ZDHHC14: variants seen among roughly 807,000 people sequenced by gnomAD.
ZDHHC14 encodes the protein zDHHC palmitoyltransferase 14.
In ZDHHC14, 16 loss-of-function variants were observed where a neutral mutation model predicts 47.7. The ratio of observed to expected loss-of-function variants is 0.34; its 90% CI spans 0.23 to 0.51. The LOEUF (loss-of-function observed/expected upper bound fraction) is 0.51, where lower values mean the gene tolerates loss of function less well. ZDHHC14 is among the 20% of genes least tolerant of loss of function. ZDHHC14 has a pLI of 0.97. For missense variants in ZDHHC14, 515 were observed against 662.5 expected (o/e 0.78, Z 2.44); for synonymous variants, 293 against 278.9 (o/e 1.05, Z -0.50).
intron 1 of ZDHHC14, among the ~76,000 whole-genome samples, chr6:157,450,018 G>A (rs948836144): frequency 6.6e-6 from 1 of 152,082 alleles, no homozygotes; most frequent in African/African-American, 2.4e-5. Context: ...ACTAAAGGAG[G>A]TTTTACACAT....
intron 1 of ZDHHC14, among the ~76,000 whole-genome samples, chr6:157,537,633 A>G (rs1227181318): frequency 1.3e-5 from 2 of 152,198 alleles, no homozygotes; most frequent in African/African-American, 2.4e-5. Flanking sequence ...GTAGGTCACA[A>G]TTCTTGAGAC....
intron 1 of ZDHHC14, among the ~76,000 whole-genome samples, chr6:157,417,583 G>A (rs1270874272): frequency 2.6e-5 from 4 of 152,180 alleles, no homozygotes; most frequent in Non-Finnish European, 2.9e-5. Context: ...TTGGCACATA[G>A]TGTGCCTTTG....
intron 1 of ZDHHC14, among the ~76,000 whole-genome samples, chr6:157,422,901 T>C (rs947011462): frequency 2.0e-5 from 3 of 152,208 alleles, no homozygotes; most frequent in African/African-American, 7.2e-5. Flanking sequence ...GGAGCACAGA[T>C]CTGTGTAGTT....
In ZDHHC14 at chr6:157,586,353, A is replaced by G. The variant is rs913424161; in HGVS notation, c.407-6635A>G. ...CCTCAAAGGATAGGATTATCTGCGC[A>G]GACAGCAGGAGAGGGAATCCCGAGC... On this transcript the variant is annotated intron_variant, in intron 2 of 8. Coordinates refer to ENST00000359775, the MANE Select transcript of ZDHHC14 (RefSeq NM_024630.3). This position sits in a 1 kb window ranked among gnomAD's most constrained non-coding sequence, Gnocchi z 4.6. Among the ~76,000 whole-genome samples, 2 of 152,226 alleles carry G rather than the reference A, an allele frequency of 1.3e-5. No individual in the cohort carries two copies. Among genetic ancestry groups the G allele is most frequent in the East Asian group, 3.8e-4 (2 of 5,196 alleles).
chr6:157,610,844 TG>T (rs1050229439), intron 3 of ZDHHC14, among the ~76,000 whole-genome samples: 2 of 152,240 alleles, frequency 1.3e-5, no homozygotes, highest in African/African-American at 4.8e-5. Flanking sequence ...TCAAGCTGCC[TG>T]GGCAGCCAAT....
At chr6:157,633,419 G>A (rs1360224929) in intron 5 of ZDHHC14, among the ~76,000 whole-genome samples, 1 of 149,598 alleles carries the variant, frequency 6.7e-6, no homozygotes, top group African/African-American at 2.4e-5. Context: ...TTAATGAGGA[G>A]GATTCCCATC....
chr6:157,438,946 T>C (rs1778502328), intron 1 of ZDHHC14, among the ~76,000 whole-genome samples: 1 of 152,196 alleles, frequency 6.6e-6, no homozygotes, highest in Admixed American at 6.5e-5. Context: ...AAGAACTGAA[T>C]TCATCTAGAA....
At chr6:157,443,902 C>G (rs1262468754) in intron 1 of ZDHHC14, among the ~76,000 whole-genome samples, 1 of 152,194 alleles carries the variant, frequency 6.6e-6, no homozygotes, top group African/African-American at 2.4e-5. Context: ...ATGCCATAAC[C>G]CAGATAACAC....
chr6:157,531,349 G>A (rs559250927), intron 1 of ZDHHC14, among the ~76,000 whole-genome samples: 4 of 152,100 alleles, frequency 2.6e-5, no homozygotes, highest in East Asian at 1.9e-4. Context: ...CTGTGCTTCC[G>A]CCAGTCACTC....
At chr6:157,452,192 C>T (rs1382073976) in intron 1 of ZDHHC14, among the ~76,000 whole-genome samples, 1 of 152,004 alleles carries the variant, frequency 6.6e-6, no homozygotes, top group Non-Finnish European at 1.5e-5. Context: ...TAAGTTTAAC[C>T]GGTATTTCCT....
intron 3 of ZDHHC14, among the ~76,000 whole-genome samples, chr6:157,604,532 G>A (rs1784455651): frequency 6.7e-6 from 1 of 148,830 alleles, no homozygotes; most frequent in Non-Finnish European, 1.5e-5. Flanking sequence ...TTTCTAAGAA[G>A]CAGTTGTGTA....
chr6:157,622,726 A>G (rs1048689603), intron 3 of ZDHHC14, among the ~76,000 whole-genome samples: 1 of 152,122 alleles, frequency 6.6e-6, no homozygotes, highest in African/African-American at 2.4e-5. Context: ...GAACGTATGC[A>G]GAAGTCCTGG....
intron 1 of ZDHHC14, among the ~76,000 whole-genome samples, chr6:157,448,095 T>C (rs79219050): frequency 0.21 from 31,969 of 152,146 alleles, 3,628 homozygotes; most frequent in Middle Eastern, 0.27. Flanking sequence ...CCTGGGTTAC[T>C]TTTGAACTCC....
chr6:157,542,596 T>C lies in ZDHHC14; in HGVS notation c.257T>C (p.Leu86Pro). The part of the protein sequence containing the change: ...GLFFAFDCPY[L>P]AVKITPAIPA... ...CAACCTGTCGGCAGCTGTCCGTACC[T>C]GGCGGTGAAAATCACCCCTGCCATC... The change falls in exon 2 of 9, where the codon CTG (leucine) becomes CCG (proline). Residue 86 changes from leucine to proline, a missense_variant. Transcript: ENST00000359775. 6.2e-7 allele frequency: 1 copy of C among 1,614,204 alleles called. No homozygotes were observed. The highest frequency in any genetic ancestry group is 8.5e-7 in the Non-Finnish European group (1 of 1,180,042).
At chr6:157,566,210 G>A (rs1049725721) in intron 2 of ZDHHC14, among the ~76,000 whole-genome samples, 2 of 150,858 alleles carry the variant, frequency 1.3e-5, no homozygotes, top group African/African-American at 2.5e-5. Context: ...CAACTGGCAA[G>A]GAGAAAGAAG....
chr6:157,623,400 C>T (rs190327591), intron 3 of ZDHHC14, among the ~76,000 whole-genome samples: 4 of 152,106 alleles, frequency 2.6e-5, no homozygotes, highest in African/African-American at 9.7e-5. Context: ...GATGTGTTTG[C>T]GTCCCCTTCC....
At chr6:157,510,015 C>T (rs146849027) in intron 1 of ZDHHC14, among the ~76,000 whole-genome samples, 1,739 of 152,272 alleles carry the variant, frequency 0.011, 6 homozygotes, top group Non-Finnish European at 0.017. Context: ...GAGGCTAAGG[C>T]GGGTGGATCA....
rs1008146105 is a variant in ZDHHC14, at chr6:157,672,984, G to C, written c.1329G>C (p.Glu443Asp). 4 of 1,592,638 alleles carry C rather than the reference G, an allele frequency of 2.5e-6. No individual in the cohort carries two copies. In the Admixed American group the frequency reaches 6.8e-5, roughly 27 times the overall value. ...GCCACCAGTTCCTGACGCCCGATGA[G>C]GCGCCCTCGCCCCCCAGGCTACTGG... ...HMGHQFLTPD[E>D]APSPPRLLAA... is the part of the protein sequence containing the mutation. Residue 443 changes from glutamate to aspartate, a missense_variant, in exon 9 of 9, where the codon GAG becomes GAC. By Grantham distance (45) the Glu-to-Asp change is conservative. Around this residue, in one of 4 missense-constraint regions of ZDHHC14, gnomAD observed 221 missense variants for 233.6 expected, o/e 0.95. Transcript: ENST00000359775.
intron 3 of ZDHHC14, among the ~76,000 whole-genome samples, chr6:157,617,390 T>C (rs1785009000): frequency 1.3e-5 from 2 of 152,166 alleles, no homozygotes; most frequent in African/African-American, 2.4e-5. Flanking sequence ...CTCGTTCTTT[T>C]TGAATTTTTT....
Sources: gnomAD v4.1 joint callset for allele counts (sites outside exome capture counted in the v4.1 genomes callset) on GRCh38, gnomAD v4.1.1 for gene constraint, gnomAD v4.1.1 regional missense constraint, Gnocchi (gnomAD v3.1) non-coding constraint, MANE v1.5 for transcripts, NCBI Gene and HGNC (gene_info 2026-07-23, HGNC 2026-07-21) for gene names.